Variants in MTAP observed in about 807,000 individuals in gnomAD.
MTAP encodes the protein S-methyl-5'-thioadenosine phosphorylase.
MTAP carries 33 observed loss-of-function variants against 33.6 expected under a neutral mutation model. The observed-to-expected ratio is 0.98, with a 90% CI of 0.74 to 1.31. MTAP has a LOEUF of 1.31. Ranked by LOEUF, MTAP falls within the 40% of genes most tolerant of loss-of-function variation. MTAP has a pLI of 0.00. For synonymous variants in MTAP, 148 were observed against 125.7 expected (o/e 1.18, Z -1.19); for missense variants, 367 against 360.0 (o/e 1.02, Z -0.16).
chr9:21,804,251 TAA>T (rs767749428), intron 1 of MTAP, among the ~76,000 whole-genome samples: 75 of 152,330 alleles, frequency 4.9e-4, no homozygotes, highest in Non-Finnish European at 9.7e-4. Flanking sequence ...CAAAAATTAT[TAA>T]GTTATTGTGT....
intron 6 of MTAP, among the ~76,000 whole-genome samples, chr9:21,856,714 G>A (rs1263518534): frequency 6.6e-6 from 1 of 152,206 alleles, no homozygotes; most frequent in South Asian, 2.1e-4. Flanking sequence ...AAGTGGAAAG[G>A]CTTGAAGACA....
At chr9:21,811,002 G>T (rs1014588487) in intron 1 of MTAP, among the ~76,000 whole-genome samples, 10 of 152,068 alleles carry the variant, frequency 6.6e-5, no homozygotes, top group African/African-American at 2.4e-4. Context: ...AATAATGAGG[G>T]CCTCCGTCTG....
At chr9:21,825,255 A>G (rs1056140292) in intron 4 of MTAP, among the ~76,000 whole-genome samples, 1 of 151,682 alleles carries the variant, frequency 6.6e-6, no homozygotes, top group Non-Finnish European at 1.5e-5. Flanking sequence ...CCTCTCCCAC[A>G]TTTTCTTTAT....
rs1490214684 is a variant in MTAP, at chr9:21,838,020, C to G, written c.450+10C>G. ...CCCCAAAACGAGAGAGGTGTGTAGT[C>G]TTTCTGGAAGGTGTACCAGAATAAA... On this transcript the variant is annotated intron_variant, in intron 5 of 7. Transcript: ENST00000644715. 1 of 1,609,134 alleles carries G rather than the reference C, an allele frequency of 6.2e-7. No individual in the cohort carries two copies. The highest frequency in any genetic ancestry group is 8.5e-7 in the Non-Finnish European group (1 of 1,175,566).
intron 1 of MTAP, among the ~76,000 whole-genome samples, chr9:21,885,779 GGTGTGTGTGTGT>G (rs34691018): frequency 0.013 from 1,927 of 144,442 alleles, 53 homozygotes; most frequent in African/African-American, 0.046. Flanking sequence ...AGTATTACAT[GGTGTGTGTGTGT>G]GTGTGTGTGT....
chr9:21,871,726 T>C (rs987162423), downstream of MTAP, among the ~76,000 whole-genome samples: 12 of 152,172 alleles, frequency 7.9e-5, no homozygotes, highest in Admixed American at 2.6e-4. Flanking sequence ...GTCAGAGCAG[T>C]CCACAGCAAA....
intron 5 of MTAP, among the ~76,000 whole-genome samples, chr9:21,840,900 G>T (rs1334218463): frequency 6.6e-6 from 1 of 152,182 alleles, no homozygotes; most frequent in Non-Finnish European, 1.5e-5. Flanking sequence ...CAAGGTCTGA[G>T]CAGGGCACTG....
At chr9:21,819,590 G>A (rs909876115) in intron 4 of MTAP, among the ~76,000 whole-genome samples, 111 of 152,186 alleles carry the variant, frequency 7.3e-4, no homozygotes, top group Non-Finnish European at 1.2e-3. Flanking sequence ...GAATAGTGCC[G>A]CAATAAACAT....
At chr9:21,876,585 A>G (rs1406382003) in intron 1 of MTAP, among the ~76,000 whole-genome samples, 1 of 152,200 alleles carries the variant, frequency 6.6e-6, no homozygotes, top group Admixed American at 6.5e-5. Flanking sequence ...TCCTATGCAT[A>G]TGACTAACCA....
intron 1 of MTAP, among the ~76,000 whole-genome samples, chr9:21,927,071 G>A (rs1362987064): frequency 6.6e-6 from 1 of 152,186 alleles, no homozygotes; most frequent in Admixed American, 6.5e-5. Context: ...AAGATCAGAA[G>A]CAAGCCTTTA....
At chr9:21,867,229 G>T (rs894690648), downstream of MTAP, among the ~76,000 whole-genome samples, 1 of 152,100 alleles carries the variant, frequency 6.6e-6, no homozygotes, top group Non-Finnish European at 1.5e-5. Flanking sequence ...GAATAGAAGC[G>T]GTGTGTGAGT....
intron 4 of MTAP, among the ~76,000 whole-genome samples, chr9:21,834,027 C>A (rs1414919869): frequency 1.3e-5 from 2 of 151,970 alleles, no homozygotes; most frequent in Non-Finnish European, 2.9e-5. Flanking sequence ...ACTAGCTTTT[C>A]TTATCACATA....
At chr9:21,936,750 A>C (rs1463559778) in exon 8 of MTAP, 1 of 152,212 alleles carries the variant, frequency 6.6e-6, no homozygotes, top group African/African-American at 2.4e-5. Context: ...AATTGAAGTT[A>C]CTAAGAGTTA....
rs1191744476 is a variant in MTAP, at chr9:21,857,169, G to C, written c.691-2134G>C. ...CAGTAGGAAGGACATTTTGGGTGAAGCCCAACAGCTGGAACAAAGAGAAGG... is the reference window on the plus strand; with the variant it reads ...CAGTAGGAAGGACATTTTGGGTGAACCCCAACAGCTGGAACAAAGAGAAGG... On this transcript the variant is annotated intron_variant, in intron 6 of 7. Transcript: ENST00000644715. Among the ~76,000 whole-genome samples the C allele has an allele frequency of 2.6e-5, 4 of 152,112 alleles. No homozygotes were observed. The East Asian group carries it at 7.7e-4, about 29-fold the overall frequency.
intron 1 of MTAP, among the ~76,000 whole-genome samples, chr9:21,804,804 C>G (rs904155605): frequency 6.6e-6 from 1 of 152,204 alleles, no homozygotes; most frequent in South Asian, 2.1e-4. Context: ...GAAAGGTCAG[C>G]TAAGTATCCA....
At chr9:21,833,028 G>A (rs1403751259) in intron 4 of MTAP, among the ~76,000 whole-genome samples, 2 of 152,100 alleles carry the variant, frequency 1.3e-5, no homozygotes, top group African/African-American at 4.8e-5. Context: ...TAGAAAATAA[G>A]GGGAAACTAT....
chr9:21,880,740 A>C (rs1412052612), intron 1 of MTAP, among the ~76,000 whole-genome samples: 1 of 152,144 alleles, frequency 6.6e-6, no homozygotes, highest in East Asian at 1.9e-4. Context: ...AAACTACAAA[A>C]CATTGCTGAA....
chr9:21,895,184 T>G (rs1280917379), intron 1 of MTAP, among the ~76,000 whole-genome samples: 2 of 152,162 alleles, frequency 1.3e-5, no homozygotes, highest in Non-Finnish European at 2.9e-5. Flanking sequence ...CATTCTAAAA[T>G]TCATACAGAA....
intron 1 of MTAP, among the ~76,000 whole-genome samples, chr9:21,873,447 T>C (rs1825962610): frequency 6.6e-6 from 1 of 152,138 alleles, no homozygotes; most frequent in African/African-American, 2.4e-5. Flanking sequence ...TGATAGTGTT[T>C]CCTTCATGAA....
Sources: gnomAD v4.1 joint callset for allele counts (sites outside exome capture counted in the v4.1 genomes callset) on GRCh38, gnomAD v4.1.1 for gene constraint, MANE v1.5 for transcripts, NCBI Gene and HGNC (gene_info 2026-07-23, HGNC 2026-07-21) for gene names.